The following MTTP variants were observed in gnomAD, a reference collection of about 807,000 sequenced individuals.
MTTP encodes microsomal triglyceride transfer protein, also known as microsomal triglyceride transfer protein large subunit.
In MTTP, 49 loss-of-function variants were observed where a neutral mutation model predicts 90.6. That is an observed-to-expected ratio of 0.54 (90% CI 0.43 to 0.69). MTTP has a LOEUF of 0.69. MTTP is among the 30% of genes least tolerant of loss of function. The probability of loss-of-function intolerance (pLI) is 0.00; values close to 1 mark genes in which losing one functional copy is unlikely to be tolerated. For missense variants in MTTP, 945 were observed against 1,067.5 expected, an observed-to-expected ratio of 0.89 and a Z score of 1.60; for synonymous variants, 347 against 384.2, an observed-to-expected ratio of 0.90 and a Z score of 1.13.
intron 12 of MTTP, among the ~76,000 whole-genome samples, chr4:99,610,621 C>T (rs1725926638): frequency 6.6e-6 from 1 of 152,134 alleles, no homozygotes; most frequent in Admixed American, 6.5e-5. Context: ...AGACTTACTC[C>T]AGAGGAGACG....
intron 8 of MTTP, among the ~76,000 whole-genome samples, chr4:99,597,642 T>C (rs913746892): frequency 1.3e-5 from 2 of 152,226 alleles, no homozygotes; most frequent in African/African-American, 4.8e-5. Context: ...ACTTCTTCAG[T>C]TGAAAATGTG....
exon 1 of MTTP, chr4:99,564,150 G>T: frequency 5.2e-6 from 8 of 1,535,618 alleles, no homozygotes; most frequent in African/African-American, 2.7e-5. Context: ...AGTGTTTTGG[G>T]AGTGGGAGGT....
chr4:99,591,766 C>T lies in MTTP; in HGVS notation c.734C>T (p.Thr245Ile), dbSNP rs767533885. ...THNFGLNFLQTIKGKIVSKQK... is the reference protein window; with the variant it reads ...THNFGLNFLQIIKGKIVSKQK... The stretch of plus-strand genomic sequence containing the variant: ...AATTTTGGACTGAATTTCCTACAAA[C>T]CATTAAGGGGAAAATAGTATCGAAG... Residue 245 changes from threonine (T) to isoleucine (I), a missense_variant, in exon 6 of 18, where the codon ACC (threonine) becomes ATC (isoleucine). By Grantham distance (89) the Thr-to-Ile change is moderately conservative. Coordinates refer to ENST00000265517, the MANE Select transcript of MTTP (RefSeq NM_001386140.1). 19 of 1,612,422 alleles carry T rather than the reference C, an allele frequency of 1.2e-5. No homozygotes were observed. The highest frequency in any genetic ancestry group is 1.6e-5 in the Non-Finnish European group (19 of 1,178,956).
chr4:99,619,062 T>A lies in MTTP; in HGVS notation c.2306T>A (p.Leu769Ter). ...IDISGAMEFS[L>*]WYRESKTRVK... is the part of the protein sequence containing the mutation. ...ATTTCAGGTGCAATGGAGTTTAGCTTGTGGTATCGTGAGTCTAAAACCCGA... is the reference window on the plus strand; with the variant it reads ...ATTTCAGGTGCAATGGAGTTTAGCTAGTGGTATCGTGAGTCTAAAACCCGA... The change falls in exon 16 of 18, where the codon TTG becomes TAG. Residue 769 changes from leucine (L) to a stop codon, truncating the protein, a stop_gained. Transcript: ENST00000265517. LOFTEE classifies it high-confidence loss of function. 1 of 1,613,662 alleles carries A rather than the reference T, an allele frequency of 6.2e-7. No homozygotes were observed. Among genetic ancestry groups the A allele is most frequent in the African/African-American group, 1.3e-5 (1 of 75,038 alleles).
intron 9 of MTTP, 121 bp from the exon 10 acceptor site, chr4:99,601,486 A>G: frequency 1.3e-6 from 1 of 770,028 alleles, no homozygotes; most frequent in Non-Finnish European, 2.2e-6. Flanking sequence ...CAAAATTCTG[A>G]GTTTGCAATC....
At chr4:99,591,512 A>G (rs1725419627) in intron 5 of MTTP, 139 bp from the exon 6 acceptor site, 3 of 1,117,694 alleles carry the variant, frequency 2.7e-6, no homozygotes, top group Non-Finnish European at 3.9e-6. Flanking sequence ...GACCCATTTC[A>G]ATTGTTGTAG....
Position 99,611,157 on chromosome 4 carries a change from G to C in MTTP, c.1784G>C (p.Arg595Pro), listed in dbSNP as rs746293101. 21 of 1,613,584 alleles carry C rather than the reference G, an allele frequency of 1.3e-5. No homozygotes were observed. Among genetic ancestry groups the C allele is most frequent in the South Asian group, 4.4e-5 (4 of 91,056 alleles). The change falls in exon 13 of 18, where the codon CGA becomes CCA. Residue 595 changes from arginine (R) to proline (P), a missense_variant. Transcript: ENST00000265517. ...ATATGTTGCAGCAAAATTGTCCGTC[G>C]AGTTCTGAAGGAAATGGTCGCTCAC... ...FEMPASKIVR[R>P]VLKEMVAHNY...
upstream of MTTP, among the ~76,000 whole-genome samples, chr4:99,569,998 G>T (rs575872968): frequency 6.6e-6 from 1 of 151,662 alleles, no homozygotes; most frequent in South Asian, 2.1e-4. Context: ...ATACCACAAA[G>T]TTCCTTGTGA....
At chr4:99,602,029 C>T (rs1384665019) in intron 10 of MTTP, among the ~76,000 whole-genome samples, 1 of 151,940 alleles carries the variant, frequency 6.6e-6, no homozygotes, top group Non-Finnish European at 1.5e-5. Context: ...AGTACAATAA[C>T]CTCCCTACCC....
At chr4:99,619,174 G>A in intron 16 of MTTP, 76 bp downstream of exon 16, 1 of 1,349,098 alleles carries the variant, frequency 7.4e-7, no homozygotes, top group Non-Finnish European at 1.1e-6. Context: ...TATGTTTTGG[G>A]AATTAATCTT....
intron 9 of MTTP, 64 bp from the exon 10 acceptor site, chr4:99,601,542 TA>T: frequency 8.2e-7 from 1 of 1,221,270 alleles, no homozygotes; most frequent in Non-Finnish European, 1.2e-6. Context: ...ATTTTTTAAC[TA>T]AAAGTGTTCC....
intron 15 of MTTP, among the ~76,000 whole-genome samples, 197 bp downstream of exon 15, chr4:99,613,337 T>C (rs1726010059): frequency 6.6e-6 from 1 of 152,176 alleles, no homozygotes; most frequent in South Asian, 2.1e-4. Flanking sequence ...ATTAGATGAT[T>C]AATAAGTGCC....
At chr4:99,602,558 C>A (rs1424186970) in intron 10 of MTTP, among the ~76,000 whole-genome samples, 1 of 152,004 alleles carries the variant, frequency 6.6e-6, no homozygotes, top group Non-Finnish European at 1.5e-5. Context: ...TTCTTGAAAC[C>A]AAATGGTCCC....
At chr4:99,565,069 GC>G (rs2110201463) in intron 1 of MTTP, among the ~76,000 whole-genome samples, 1 of 152,244 alleles carries the variant, frequency 6.6e-6, no homozygotes, top group African/African-American at 2.4e-5. Context: ...TGTTAGTAGG[GC>G]ATCTTTTTTC....
At chr4:99,616,455 T>C (rs1004088389) in intron 15 of MTTP, among the ~76,000 whole-genome samples, 1 of 152,196 alleles carries the variant, frequency 6.6e-6, no homozygotes, top group Non-Finnish European at 1.5e-5. Context: ...GTGTTTATTC[T>C]GGCTTCATGT....
chr4:99,568,429 TA>T (rs1438257262), intron 1 of MTTP, among the ~76,000 whole-genome samples: 1 of 152,118 alleles, frequency 6.6e-6, no homozygotes, highest in Non-Finnish European at 1.5e-5. Flanking sequence ...GGTATAAATC[TA>T]AAAAATTTGA....
At chr4:99,605,189 C>T (rs756525005) in intron 10 of MTTP, among the ~76,000 whole-genome samples, 5 of 152,010 alleles carry the variant, frequency 3.3e-5, no homozygotes, top group Non-Finnish European at 4.4e-5. Context: ...CATCGCTTCT[C>T]GATGCTTTTC....
intron 1 of MTTP, among the ~76,000 whole-genome samples, chr4:99,577,564 C>T (rs965903130): frequency 3.0e-5 from 4 of 135,540 alleles, no homozygotes; most frequent in African/African-American, 1.1e-4. Context: ...GAGATCACAC[C>T]ATTGCACTCC....
At chr4:99,594,391 G>A (rs888388934) in intron 6 of MTTP, among the ~76,000 whole-genome samples, 4 of 152,146 alleles carry the variant, frequency 2.6e-5, no homozygotes, top group Admixed American at 6.5e-5. Context: ...TAAGTAACAC[G>A]TGGTTGTATT....
Sources: gnomAD v4.1 joint callset for allele counts (sites outside exome capture counted in the v4.1 genomes callset) on GRCh38, gnomAD v4.1.1 for gene constraint, MANE v1.5 for transcripts, NCBI Gene and HGNC (gene_info 2026-07-23, HGNC 2026-07-21) for gene names.